Variants in DOT1L observed in about 807,000 individuals in gnomAD.
DOT1L encodes DOT1 like histone lysine methyltransferase, also known as histone-lysine N-methyltransferase, H3 lysine-79 specific.
In DOT1L, 33 loss-of-function variants were observed where a neutral mutation model predicts 153.3. The ratio of observed to expected loss-of-function variants is 0.22; its 90% CI spans 0.16 to 0.29. The LOEUF (loss-of-function observed/expected upper bound fraction) is 0.29. Among genes scored for constraint, DOT1L ranks in the 10% least tolerant of loss-of-function variants. The pLI is 1.00. For synonymous variants in DOT1L, 1,135 were observed against 965.1 expected, an observed-to-expected ratio of 1.18 and a Z score of -3.26; for missense variants, 1,847 against 2,119.9, an observed-to-expected ratio of 0.87 and a Z score of 2.53.
intron 7 of DOT1L, among the ~76,000 whole-genome samples, chr19:2,198,477 C>G (rs2144773318): frequency 6.6e-6 from 1 of 152,306 alleles, no homozygotes; most frequent in African/African-American, 2.4e-5. Flanking sequence ...ACGAGTGGCC[C>G]TGTCCTCCGG....
At chr19:2,229,321 CCTT>C (rs2024501394) in intron 27 of DOT1L, 2 of 985,448 alleles carry the variant, frequency 2.0e-6, no homozygotes, top group Non-Finnish European at 2.4e-6. Flanking sequence ...TTGCCCCTGG[CCTT>C]CTGCCTCAGG....
Position 2,190,783 on chromosome 19 carries a change from C to G in DOT1L, c.265-229C>G, listed in dbSNP as rs2022758864. On this transcript the variant is annotated intron_variant, in intron 4 of 27. Transcript: ENST00000398665. The surrounding 1 kb of genome is among the most constrained non-coding windows in gnomAD (Gnocchi z 4.8). Reference sequence around the variant, plus strand: ...AGGCCCGTGGCAGGAGGTGGAGCCTCCTAGGACCCCTCTGAGTTGGGGCCT... The same window carrying G: ...AGGCCCGTGGCAGGAGGTGGAGCCTGCTAGGACCCCTCTGAGTTGGGGCCT... Among the ~76,000 whole-genome samples, 1 of 151,826 alleles carries G rather than the reference C, an allele frequency of 6.6e-6. No individual in the cohort carries two copies. The highest frequency in any genetic ancestry group is 2.1e-4 in the South Asian group (1 of 4,802).
intron 2 of DOT1L, among the ~76,000 whole-genome samples, chr19:2,182,116 A>G (rs1374608362): frequency 6.6e-6 from 1 of 152,142 alleles, no homozygotes. Flanking sequence ...AGTCCCAGCT[A>G]CTTTGGAGGC....
At chr19:2,194,017 C>T (rs1311699109) in intron 6 of DOT1L, among the ~76,000 whole-genome samples, 2 of 152,178 alleles carry the variant, frequency 1.3e-5, no homozygotes, top group African/African-American at 2.4e-5. Flanking sequence ...AGGGGTGTCT[C>T]GGAGCCTGTT....
intron 18 of DOT1L, 137 bp downstream of exon 18, chr19:2,214,123 T>C (rs1018499770): frequency 2.2e-6 from 3 of 1,369,120 alleles, no homozygotes; most frequent in African/African-American, 2.9e-5. Context: ...TTGCGCCACC[T>C]GTGAAAGCTT....
At chr19:2,180,352 C>G (rs2022173538) in intron 1 of DOT1L, among the ~76,000 whole-genome samples, 1 of 152,264 alleles carries the variant, frequency 6.6e-6, no homozygotes, top group East Asian at 1.9e-4. Flanking sequence ...GTTGAGGGAT[C>G]AACTGACCTC....
At chr19:2,203,899 G>A (rs1452764329) in intron 9 of DOT1L, among the ~76,000 whole-genome samples, 1 of 152,222 alleles carries the variant, frequency 6.6e-6, no homozygotes, top group African/African-American at 2.4e-5. Flanking sequence ...CCACTGCTGG[G>A]CTCGAAGACA....
rs367964093 is a variant in DOT1L, at chr19:2,178,368, G to GAA, written c.82-2332_82-2331dup. On this transcript the variant is annotated intron_variant, in intron 1 of 27. Transcript: ENST00000398665. ...ACATGGTGAAACCTTGTCTCTACCA[G>GAA]AAAAAAAAAAAAAACAAAAAATCTC... Among the ~76,000 whole-genome samples the GAA allele has an allele frequency of 2.7e-3, 229 of 85,846 alleles. 3 individuals carry two copies. The highest frequency in any genetic ancestry group is 8.4e-3 in the African/African-American group (212 of 25,382). 56.3% of individuals were successfully genotyped at this position (85,846 alleles called of 152,430 possible).
chr19:2,207,727 A>G lies in DOT1L; in HGVS notation c.963+47A>G. Reference sequence around the variant, plus strand: ...AGCCGCAGGGCCGTCCTGGTCTTCCACCCCGCCCACGTCACACTGCTCTCT... The same window carrying G: ...AGCCGCAGGGCCGTCCTGGTCTTCCGCCCCGCCCACGTCACACTGCTCTCT... On this transcript the variant is annotated intron_variant, in intron 11 of 27. Transcript: ENST00000398665. The surrounding 1 kb of genome is among the most constrained non-coding windows in gnomAD (Gnocchi z 4.5). The G allele has an allele frequency of 1.3e-6, 2 of 1,509,880 alleles. No individual in the cohort carries two copies. Among genetic ancestry groups the G allele is most frequent in the Non-Finnish European group, 1.8e-6 (2 of 1,112,904 alleles). The allele number at this position is 1,509,880 out of a possible 1,614,324, so 93.5% of individuals were successfully genotyped here. A position where few individuals can be genotyped will look rare whatever the true frequency, so the allele number is the denominator to read the frequency against.
intron 12 of DOT1L, among the ~76,000 whole-genome samples, chr19:2,209,185 C>T (rs932968452): frequency 3.3e-5 from 5 of 152,098 alleles, no homozygotes; most frequent in Non-Finnish European, 5.9e-5. Flanking sequence ...TCCCTGTCCT[C>T]CCCCTCTTCC....
chr19:2,227,516 C>T (rs944330762), intron 27 of DOT1L: 25 of 532,178 alleles, frequency 4.7e-5, no homozygotes, highest in Non-Finnish European at 7.1e-5. Flanking sequence ...GGAGAGGAGC[C>T]GCCGGGGGGA....
At chr19:2,173,459 T>TA (rs375425083) in intron 1 of DOT1L, among the ~76,000 whole-genome samples, 123 of 152,286 alleles carry the variant, frequency 8.1e-4, no homozygotes, top group African/African-American at 2.8e-3. Context: ...GCCGCTTCCT[T>TA]ACACAGCGGG....
chr19:2,212,155 T>C lies in DOT1L; in HGVS notation c.1557+313T>C, dbSNP rs564747086. On this transcript the variant is annotated intron_variant, in intron 16 of 27. Transcript: ENST00000398665. ...GTCCCTCCCCCGGTTCCTCAAAGGC[T>C]GAGTACTGTGAGGTCACAGTCTTCC... is the stretch of plus-strand genomic sequence containing the variant. The C allele has an allele frequency of 1.9e-5, 5 of 266,658 alleles. No individual in the cohort carries two copies. In the South Asian group the frequency reaches 2.6e-4, roughly 14 times the overall value. 16.5% of individuals were successfully genotyped at this position (266,658 alleles called of 1,614,324 possible). A position where few individuals can be genotyped will look rare whatever the true frequency, so the allele number is the denominator to read the frequency against.
intron 9 of DOT1L, among the ~76,000 whole-genome samples, chr19:2,203,721 A>T (rs1281284579): frequency 6.6e-6 from 1 of 152,158 alleles, no homozygotes; most frequent in Non-Finnish European, 1.5e-5. Flanking sequence ...CTAAACATGG[A>T]GACTGAGCCT....
In DOT1L at chr19:2,213,871, A is replaced by C. The variant is rs1242877059; in HGVS notation, c.1682A>C (p.Tyr561Ser). The C allele has an allele frequency of 1.2e-6, 2 of 1,613,132 alleles. No individual in the cohort carries two copies. Among genetic ancestry groups the C allele is most frequent in the Admixed American group, 1.7e-5 (1 of 60,026 alleles). Residue 561 changes from tyrosine (Y) to serine (S), a missense_variant, in exon 18 of 28, where the codon TAC becomes TCC. Tyr to Ser is a moderately radical substitution (Grantham distance 144, BLOSUM62 -2). Coordinates refer to ENST00000398665, the MANE Select transcript of DOT1L (RefSeq NM_032482.3). ...CAGCTGGGTGTGAAGGCGCTGACCTACAACGACCTGATTCAAGCGCAGAAG... is the reference window on the plus strand; with the variant it reads ...CAGCTGGGTGTGAAGGCGCTGACCTCCAACGACCTGATTCAAGCGCAGAAG... The part of the protein sequence containing the change: ...LDELGVKALT[Y>S]NDLIQAQKEI...
Position 2,222,439 on chromosome 19 carries a change from G to A in DOT1L, c.3270G>A (p.Lys1090=). Residue 1090 remains lysine (K), a synonymous_variant, in exon 24 of 28, where the codon AAG becomes AAA. Transcript: ENST00000398665. This position sits in a 1 kb window ranked among gnomAD's most constrained non-coding sequence, Gnocchi z 6.5. ...GQDSRRRGRR[K]RASAGTPSLS... ...ACAGTCGCAGGCGCGGCCGGCGGAA[G>A]CGAGCATCTGCGGGGACGCCCAGCT... The A allele has an allele frequency of 1.2e-6, 2 of 1,609,198 alleles. No individual in the cohort carries two copies. The highest frequency in any genetic ancestry group is 1.3e-5 in the African/African-American group (1 of 75,024).
At position 2,210,465 on chromosome 19, in the gene DOT1L, T is replaced by C. The variant is rs755159273; in HGVS notation, c.1071T>C (p.Thr357=). ...GCAAGAGCAACGCGGCCACGCCCAC[T>C]AAGGGCCCAGAGGGCAAGGTGGCCG... ...RESKSNAATP[T]KGPEGKVAGP... is the part of the protein sequence containing the mutation. Residue 357 remains threonine (T), a synonymous_variant, in exon 13 of 28, where the codon ACT becomes ACC. Transcript: ENST00000398665. 1 of 1,591,374 alleles carries C rather than the reference T, an allele frequency of 6.3e-7. No homozygotes were observed.
Position 2,216,716 on chromosome 19 carries a change from C to G in DOT1L, c.2359C>G (p.Gln787Glu). Reference protein sequence around the residue: ...AKIVLRRHLSQDHTVPGRPAA... With the variant: ...AKIVLRRHLSEDHTVPGRPAA... Reference sequence around the variant, plus strand: ...GATTGTGCTGAGGCGGCACCTGAGCCAGGACCACACGGTGCCCGGCAGGCC... The same window carrying G: ...GATTGTGCTGAGGCGGCACCTGAGCGAGGACCACACGGTGCCCGGCAGGCC... Residue 787 changes from glutamine (Q) to glutamate (E), a missense_variant, in exon 20 of 28, where the codon CAG (glutamine) becomes GAG (glutamate). This residue lies in a region of DOT1L where 281 missense variants were observed against 263.6 expected (regional missense o/e 1.07). Transcript: ENST00000398665. The G allele has an allele frequency of 6.2e-7, 1 of 1,600,736 alleles. No homozygotes were observed. Among genetic ancestry groups the G allele is most frequent in the Non-Finnish European group, 8.5e-7 (1 of 1,178,954 alleles).
chr19:2,228,377 T>A, intron 27 of DOT1L: 1 of 1,295,628 alleles, frequency 7.7e-7, no homozygotes. Flanking sequence ...GTGCGTATTG[T>A]GTAAGGTAAG....
Sources: gnomAD v4.1 joint callset for allele counts (sites outside exome capture counted in the v4.1 genomes callset) on GRCh38, gnomAD v4.1.1 for gene constraint, gnomAD v4.1.1 regional missense constraint, Gnocchi (gnomAD v3.1) non-coding constraint, MANE v1.5 for transcripts, NCBI Gene and HGNC (gene_info 2026-07-23, HGNC 2026-07-21) for gene names.